Variants in SPATA18 observed in about 807,000 individuals in gnomAD.
SPATA18 encodes spermatogenesis associated 18, also known as mitochondria-eating protein.
In SPATA18, 54 loss-of-function variants were observed where a neutral mutation model predicts 68.1. That is an observed-to-expected ratio of 0.79 (90% CI 0.64 to 0.99). The LOEUF is 0.99. Among genes scored for constraint, SPATA18 ranks in the 50% least tolerant of loss-of-function variants. The pLI is 0.00. For missense variants in SPATA18, 724 were observed against 681.1 expected (o/e 1.06, Z -0.70); for synonymous variants, 242 against 244.8 (o/e 0.99, Z 0.11).
chr4:52,089,552 T>C (rs1453671813), intron 11 of SPATA18, among the ~76,000 whole-genome samples: 1 of 152,242 alleles, frequency 6.6e-6, no homozygotes, highest in Non-Finnish European at 1.5e-5. Flanking sequence ...CCAGTAGTCA[T>C]TCAGGAGCAG....
intron 4 of SPATA18, among the ~76,000 whole-genome samples, chr4:52,067,183 A>T (rs1039350898): frequency 6.6e-6 from 1 of 152,132 alleles, no homozygotes; most frequent in Non-Finnish European, 1.5e-5. Flanking sequence ...ACTTTTTAAT[A>T]ATCGCCATTC....
At chr4:52,085,741 CA>C (rs916666613) in intron 11 of SPATA18, among the ~76,000 whole-genome samples, 1 of 151,708 alleles carries the variant, frequency 6.6e-6, no homozygotes, top group African/African-American at 2.4e-5. Context: ...CTGGGTATAA[CA>C]AAAAATTCCC....
chr4:52,085,536 C>T (rs1578197092), intron 11 of SPATA18, among the ~76,000 whole-genome samples: 1 of 152,026 alleles, frequency 6.6e-6, no homozygotes. Context: ...ACAGCAAAAA[C>T]ATCATGAAAA....
chr4:52,083,249 C>T lies in SPATA18; in HGVS notation c.1479+739C>T, dbSNP rs1245830805. The T allele has an allele frequency of 4.1e-6, 4 of 985,144 alleles. No homozygotes were observed. In the African/African-American group the frequency reaches 5.2e-5, roughly 13 times the overall value. 61.0% of individuals were successfully genotyped at this position (985,144 alleles called of 1,614,324 possible). A position where few individuals can be genotyped will look rare whatever the true frequency, so the allele number is the denominator to read the frequency against. On this transcript the variant is annotated intron_variant, in intron 10 of 12. Coordinates refer to ENST00000295213, the MANE Select transcript of SPATA18 (RefSeq NM_145263.4). ...TTTCCTAGAAAGAGTTAAATGAAGC[C>T]CCTTAGTCCAGGATGATGCCCACAG...
chr4:52,072,596 C>A (rs1406345457), intron 6 of SPATA18, among the ~76,000 whole-genome samples: 1 of 152,036 alleles, frequency 6.6e-6, no homozygotes, highest in East Asian at 1.9e-4. Flanking sequence ...AGTAGAGATG[C>A]GGGTTCACCA....
intron 4 of SPATA18, among the ~76,000 whole-genome samples, chr4:52,063,380 C>T (rs531993695): frequency 2.0e-5 from 3 of 152,122 alleles, no homozygotes; most frequent in Non-Finnish European, 4.4e-5. Flanking sequence ...ATATTTTACT[C>T]CAGACATTTT....
intron 9 of SPATA18, among the ~76,000 whole-genome samples, chr4:52,080,895 G>A (rs140619646): frequency 3.0e-4 from 46 of 152,320 alleles, no homozygotes; most frequent in African/African-American, 1.0e-3. Flanking sequence ...TTGTTGATGA[G>A]GGAGGATGGA....
intron 1 of SPATA18, 86 bp from the exon 2 acceptor site, chr4:52,060,333 C>T (rs1225020082): frequency 2.9e-6 from 3 of 1,031,838 alleles, no homozygotes; most frequent in Non-Finnish European, 2.9e-6. Flanking sequence ...CCAGGCAGCT[C>T]GTGGGTCAAG....
Position 52,095,608 on chromosome 4 carries a change from A to T in SPATA18, c.*721A>T, listed in dbSNP as rs1219002414. 1 of 152,224 alleles carries T rather than the reference A, an allele frequency of 6.6e-6. No individual in the cohort carries two copies. The highest frequency in any genetic ancestry group is 1.9e-4 in the East Asian group (1 of 5,190). 9.4% of individuals were successfully genotyped at this position (152,224 alleles called of 1,614,324 possible). On this transcript the variant is annotated 3_prime_UTR_variant, in exon 13 of 13. Transcript: ENST00000295213. ...ATAAATGTAGAGCAGTGATTTGATTAGAAGCCAGCTTTGAGATAAATGTTA... is the reference window on the plus strand; with the variant it reads ...ATAAATGTAGAGCAGTGATTTGATTTGAAGCCAGCTTTGAGATAAATGTTA...
At chr4:52,073,584 C>A (rs1740059143) in intron 6 of SPATA18, among the ~76,000 whole-genome samples, 1 of 152,000 alleles carries the variant, frequency 6.6e-6, no homozygotes, top group African/African-American at 2.4e-5. Flanking sequence ...CAAGCCTGAG[C>A]AACATGGCAA....
chr4:52,056,912 C>A (rs1738396633), intron 1 of SPATA18, among the ~76,000 whole-genome samples: 1 of 152,152 alleles, frequency 6.6e-6, no homozygotes, highest in African/African-American at 2.4e-5. Context: ...AGCCCAAGAC[C>A]CTTAATGTGG....
In SPATA18 at chr4:52,072,066, C is replaced by T; in HGVS notation, c.668C>T (p.Thr223Ile). 1 of 1,613,930 alleles carries T rather than the reference C, an allele frequency of 6.2e-7. No homozygotes were observed. The highest frequency in any genetic ancestry group is 1.1e-5 in the South Asian group (1 of 91,072). Reference protein sequence around the residue: ...SLKQNADQQDTEAMSDYKKQL... With the variant: ...SLKQNADQQDIEAMSDYKKQL... Reference sequence around the variant, plus strand: ...AAGCAGAATGCAGACCAGCAGGACACAGAAGCCATGTCCGATTATAAGAAA... The same window carrying T: ...AAGCAGAATGCAGACCAGCAGGACATAGAAGCCATGTCCGATTATAAGAAA... The change falls in exon 6 of 13, where the codon ACA (threonine) becomes ATA (isoleucine). Residue 223 changes from threonine to isoleucine, a missense_variant. Physicochemically the swap from Thr to Ile is moderately conservative, Grantham distance 89 (BLOSUM62 -1). Transcript: ENST00000295213.
At chr4:52,070,591 G>A (rs940439099) in intron 5 of SPATA18, among the ~76,000 whole-genome samples, 11 of 151,736 alleles carry the variant, frequency 7.2e-5, no homozygotes, top group African/African-American at 2.7e-4. Flanking sequence ...GCTAAATGAC[G>A]AGTTAATGGG....
At position 52,094,953 on chromosome 4, in the gene SPATA18, G is replaced by C; in HGVS notation, c.*66G>C. On this transcript the variant is annotated 3_prime_UTR_variant, in exon 13 of 13. Transcript: ENST00000295213. ...GCTGCTTTCTCCAGTGCCGCCATCT[G>C]TCTTCTGTGTCTGCCTCAGACCTCA... is the stretch of plus-strand genomic sequence containing the variant. The C allele has an allele frequency of 6.3e-7, 1 of 1,583,602 alleles. No individual in the cohort carries two copies. The highest frequency in any genetic ancestry group is 2.2e-5 in the East Asian group (1 of 44,778).
intron 11 of SPATA18, among the ~76,000 whole-genome samples, chr4:52,085,376 G>T (rs1355820777): frequency 1.3e-5 from 2 of 152,126 alleles, no homozygotes; most frequent in East Asian, 1.9e-4. Flanking sequence ...TGAGTTTAGA[G>T]AAATTACTCA....
rs1737887419 is a variant in SPATA18, at chr4:52,051,721, A to G, written c.17A>G (p.Lys6Arg). 1.9e-6 allele frequency: 3 copies of G among 1,614,218 alleles called. No homozygotes were observed. The East Asian group carries it at 6.7e-5, about 36-fold the overall frequency. MAENL[K>R]RLVSNETLRT... ...TAGTGAGCGATGGCGGAAAACCTGAAAAGACTGGTCTCAAACGAAACTTTA... is the reference window on the plus strand; with the variant it reads ...TAGTGAGCGATGGCGGAAAACCTGAGAAGACTGGTCTCAAACGAAACTTTA... Residue 6 changes from lysine (K) to arginine (R), a missense_variant, in exon 1 of 13, where the codon AAA becomes AGA. Lys to Arg is a conservative substitution (Grantham distance 26). Coordinates refer to ENST00000295213, the MANE Select transcript of SPATA18 (RefSeq NM_145263.4).
At chr4:52,072,472 G>A (rs559725576) in intron 6 of SPATA18, among the ~76,000 whole-genome samples, 1 of 151,926 alleles carries the variant, frequency 6.6e-6, no homozygotes, top group Admixed American at 6.5e-5. Flanking sequence ...GCATGATCTC[G>A]GCTCACTGCA....
intron 11 of SPATA18, among the ~76,000 whole-genome samples, chr4:52,086,429 T>C (rs983567481): frequency 1.3e-5 from 2 of 152,010 alleles, no homozygotes; most frequent in East Asian, 1.9e-4. Context: ...CCCCAACCCC[T>C]GACAGGCCCC....
chr4:52,060,394 G>A (rs772534419), intron 1 of SPATA18, 25 bp from the exon 2 acceptor site: 1 of 1,599,946 alleles, frequency 6.3e-7, no homozygotes, highest in South Asian at 1.1e-5. Flanking sequence ...AATTACCCTG[G>A]TTATCTACTG....
Sources: allele counts gnomAD v4.1 joint callset (sites outside exome capture counted in the v4.1 genomes callset), GRCh38; gene constraint gnomAD v4.1.1; transcripts MANE v1.5; gene names NCBI Gene and HGNC (gene_info 2026-07-23, HGNC 2026-07-21).